MAGI2: variants seen among roughly 807,000 people sequenced by gnomAD.
MAGI2 encodes the protein membrane associated guanylate kinase, WW and PDZ domain containing 2, also known as membrane-associated guanylate kinase, WW and PDZ domain-containing protein 2.
A neutral mutation model predicts 133.3 loss-of-function variants in MAGI2; 35 were observed. That is an observed-to-expected ratio of 0.26 (90% CI 0.20 to 0.35). The LOEUF (loss-of-function observed/expected upper bound fraction) is 0.35, where lower values mean the gene tolerates loss of function less well. Among genes scored for constraint, MAGI2 ranks in the 10% least tolerant of loss-of-function variants. The probability of loss-of-function intolerance (pLI) is 1.00; values close to 1 mark genes in which losing one functional copy is unlikely to be tolerated. For synonymous variants in MAGI2, 729 were observed against 710.6 expected, an observed-to-expected ratio of 1.03 and a Z score of -0.41; for missense variants, 1,636 against 1,863.4, an observed-to-expected ratio of 0.88 and a Z score of 2.25.
intron 1 of MAGI2, among the ~76,000 whole-genome samples, chr7:79,165,634 C>T (rs1562955891): frequency 6.6e-6 from 1 of 152,092 alleles, no homozygotes. Flanking sequence ...TTCCAGCTGA[C>T]AACATAATTA....
At chr7:79,006,821 A>T in intron 2 of MAGI2, 1 of 319,850 alleles carries the variant, frequency 3.1e-6, no homozygotes, top group Non-Finnish European at 5.6e-6. Context: ...CTGGACTAGA[A>T]TCAATATTTC....
intron 1 of MAGI2, among the ~76,000 whole-genome samples, chr7:79,442,125 A>G (rs1040195678): frequency 1.3e-5 from 2 of 152,214 alleles, no homozygotes; most frequent in Non-Finnish European, 2.9e-5. Flanking sequence ...TGCGATACAA[A>G]TAAAAATGAC....
intron 2 of MAGI2, among the ~76,000 whole-genome samples, chr7:78,966,957 T>A (rs983221430): frequency 9.9e-5 from 15 of 152,096 alleles, no homozygotes; most frequent in African/African-American, 2.9e-4. Flanking sequence ...CTTTTGTTTT[T>A]ATTTTGAGAC....
At chr7:79,416,094 A>G (rs1358891390) in intron 1 of MAGI2, among the ~76,000 whole-genome samples, 1 of 152,196 alleles carries the variant, frequency 6.6e-6, no homozygotes, top group Non-Finnish European at 1.5e-5. Flanking sequence ...TTCAAGGGGT[A>G]ACAATGAGAA....
intron 1 of MAGI2, among the ~76,000 whole-genome samples, chr7:79,157,938 G>A (rs113554403): frequency 0.029 from 1,363 of 47,130 alleles, 23 homozygotes; most frequent in African/African-American, 0.057. Context: ...GAATCTTTGT[G>A]TGAGTGTGTG....
intron 1 of MAGI2, among the ~76,000 whole-genome samples, chr7:79,154,526 C>T (rs186343136): frequency 6.1e-4 from 93 of 152,246 alleles, no homozygotes; most frequent in Middle Eastern, 6.8e-3. Flanking sequence ...ATATTATCAC[C>T]AGTGTTGGTT....
intron 4 of MAGI2, among the ~76,000 whole-genome samples, chr7:78,511,425 C>G (rs567155195): frequency 6.6e-6 from 1 of 151,628 alleles, no homozygotes; most frequent in East Asian, 1.9e-4. Context: ...AAAGAATGCT[C>G]TTATCCATTT....
intron 1 of MAGI2, among the ~76,000 whole-genome samples, chr7:79,303,225 T>C (rs1297523491): frequency 1.3e-5 from 2 of 152,154 alleles, no homozygotes; most frequent in Non-Finnish European, 2.9e-5. Flanking sequence ...AGGTGACCCA[T>C]GCACTGAAAT....
intron 6 of MAGI2, among the ~76,000 whole-genome samples, chr7:78,438,249 A>G (rs765507574): frequency 3.4e-5 from 5 of 147,156 alleles, no homozygotes; most frequent in Non-Finnish European, 7.5e-5. Context: ...TTAGTCATAT[A>G]AAAGTGAACC....
chr7:79,270,945 A>G (rs769219021), intron 1 of MAGI2, among the ~76,000 whole-genome samples: 17 of 152,054 alleles, frequency 1.1e-4, no homozygotes, highest in Non-Finnish European at 2.1e-4. Flanking sequence ...TTGTTTCAAT[A>G]ATATTACACT....
intron 1 of MAGI2, among the ~76,000 whole-genome samples, chr7:79,427,553 T>C (rs568920670): frequency 5.9e-5 from 9 of 152,236 alleles, no homozygotes; most frequent in African/African-American, 1.9e-4. Context: ...AGCAGAATTT[T>C]CAGCAGGCAA....
intron 3 of MAGI2, among the ~76,000 whole-genome samples, chr7:78,612,630 A>G (rs1806577916): frequency 6.6e-6 from 1 of 152,130 alleles, no homozygotes; most frequent in Admixed American, 6.5e-5. Context: ...TAAGGATCTG[A>G]AGATTAAAGA....
chr7:78,349,751 C>T (rs1791299855), intron 7 of MAGI2, among the ~76,000 whole-genome samples: 1 of 152,170 alleles, frequency 6.6e-6, no homozygotes, highest in South Asian at 2.1e-4. Context: ...ACTTAAAATG[C>T]TCACAAGCTC....
intron 3 of MAGI2, among the ~76,000 whole-genome samples, chr7:78,622,855 G>A (rs1460768743): frequency 6.6e-6 from 1 of 151,952 alleles, no homozygotes; most frequent in East Asian, 1.9e-4. Flanking sequence ...CAATGGTATT[G>A]ATACAATTGT....
At chr7:78,537,392 TCTA>T (rs1798051606) in intron 3 of MAGI2, among the ~76,000 whole-genome samples, 1 of 152,220 alleles carries the variant, frequency 6.6e-6, no homozygotes, top group Non-Finnish European at 1.5e-5. Flanking sequence ...GAATGGTAGA[TCTA>T]CTTTTAGTTC....
chr7:79,143,548 G>T (rs1562936557), intron 1 of MAGI2, among the ~76,000 whole-genome samples: 1 of 152,150 alleles, frequency 6.6e-6, no homozygotes, highest in Non-Finnish European at 1.5e-5. Flanking sequence ...AATAAATACA[G>T]TGTAAAACTC....
At chr7:78,074,117 C>T (rs1056816286) in intron 21 of MAGI2, among the ~76,000 whole-genome samples, 1 of 152,212 alleles carries the variant, frequency 6.6e-6, no homozygotes, top group Non-Finnish European at 1.5e-5. Flanking sequence ...GCAGCCACTA[C>T]TTTCGGGGTG....
In MAGI2 at chr7:78,201,251, G is replaced by A. The variant is rs1829224572; in HGVS notation, c.2048-58C>T. On this transcript the variant is annotated intron_variant, in intron 10 of 21. Coordinates refer to ENST00000354212, the MANE Select transcript of MAGI2 (RefSeq NM_012301.4). ...AAATATTACCGACTGCCACTTATGG[G>A]TGGCACGATATTAAGATAATTGTAA... 5 of 810,188 alleles carry A rather than the reference G, an allele frequency of 6.2e-6. No homozygotes were observed. The Middle Eastern group carries it at 8.5e-4, about 138-fold the overall frequency. The allele number at this position is 810,188 out of a possible 1,614,324, so 50.2% of individuals were successfully genotyped here.
At position 79,400,160 on chromosome 7, in the gene MAGI2, A is replaced by G. The variant is rs542866111; in HGVS notation, c.301+52860T>C. 2.6e-5 allele frequency among the ~76,000 whole-genome samples: 4 copies of G among 152,242 alleles called. No homozygotes were observed. In the East Asian group the frequency reaches 7.7e-4, roughly 29 times the overall value. The stretch of plus-strand genomic sequence containing the variant: ...AGACATGCCTATGGGGAACAGGAAG[A>G]AGGGCTCCCACCAAATGATACATAT... On this transcript the variant is annotated intron_variant, in intron 1 of 21. Transcript: ENST00000354212.
Sources: allele counts gnomAD v4.1 joint callset (sites outside exome capture counted in the v4.1 genomes callset), GRCh38; gene constraint gnomAD v4.1.1; transcripts MANE v1.5; gene names NCBI Gene and HGNC (gene_info 2026-07-23, HGNC 2026-07-21).